The following CHODL variants were observed in gnomAD, a reference collection of about 807,000 sequenced individuals.
CHODL encodes the protein transmembrane protein MT75.
Under a neutral mutation model 34.5 loss-of-function variants are expected in CHODL, and 29 were observed. The observed-to-expected ratio is 0.84, with a 90% CI of 0.63 to 1.15. The LOEUF is 1.15. Ranked by LOEUF, CHODL falls within the 50% of genes most tolerant of loss-of-function variation. The pLI, the probability that CHODL is intolerant of heterozygous loss-of-function variation, is 0.00. For missense variants in CHODL, 332 were observed against 332.5 expected, an observed-to-expected ratio of 1.00 and a Z score of 0.01; for synonymous variants, 125 against 116.1, an observed-to-expected ratio of 1.08 and a Z score of -0.49.
intron 1 of CHODL, among the ~76,000 whole-genome samples, chr21:17,919,914 G>C (rs1341112128): frequency 1.3e-5 from 2 of 152,076 alleles, no homozygotes; most frequent in Non-Finnish European, 2.9e-5. Flanking sequence ...CAAATCTCTA[G>C]GGCAGGGACA....
At chr21:18,220,384 T>G (rs2073871061) in intron 2 of CHODL, among the ~76,000 whole-genome samples, 1 of 152,152 alleles carries the variant, frequency 6.6e-6, no homozygotes, top group Non-Finnish European at 1.5e-5. Flanking sequence ...TTTCTTCTTG[T>G]TTTATATATT....
chr21:18,224,274 CTGAT>C (rs750154554), intron 2 of CHODL, among the ~76,000 whole-genome samples: 18 of 152,236 alleles, frequency 1.2e-4, no homozygotes, highest in Admixed American at 4.6e-4. Context: ...TAGAATAAGA[CTGAT>C]TGGTTTTGAA....
At chr21:18,161,981 A>G (rs1207808483) in intron 2 of CHODL, among the ~76,000 whole-genome samples, 2 of 152,182 alleles carry the variant, frequency 1.3e-5, no homozygotes, top group East Asian at 1.9e-4. Flanking sequence ...TGACATACAC[A>G]TGTTATTACC....
chr21:18,098,079 A>G (rs533825241), intron 2 of CHODL, among the ~76,000 whole-genome samples: 5 of 152,180 alleles, frequency 3.3e-5, no homozygotes, highest in African/African-American at 4.8e-5. Context: ...GATTAAAAAC[A>G]TAGAAATCTA....
At chr21:18,087,201 G>A (rs1046669693) in intron 2 of CHODL, among the ~76,000 whole-genome samples, 3 of 152,156 alleles carry the variant, frequency 2.0e-5, no homozygotes, top group Non-Finnish European at 4.4e-5. Context: ...ACACTCAGGT[G>A]AGCAGCCTGG....
chr21:18,260,916 C>T (rs1203498634), intron 4 of CHODL, among the ~76,000 whole-genome samples: 2 of 152,018 alleles, frequency 1.3e-5, no homozygotes, highest in East Asian at 1.9e-4. Flanking sequence ...AACATGTAGG[C>T]GTCATGATGC....
intron 1 of CHODL, among the ~76,000 whole-genome samples, chr21:17,984,689 G>A (rs1226074006): frequency 6.6e-6 from 1 of 151,766 alleles, no homozygotes; most frequent in Non-Finnish European, 1.5e-5. Flanking sequence ...CGTATCATGT[G>A]TGGAAAGGCT....
intron 1 of CHODL, among the ~76,000 whole-genome samples, chr21:17,949,771 A>C (rs2063441119): frequency 6.6e-6 from 1 of 152,172 alleles, no homozygotes; most frequent in Non-Finnish European, 1.5e-5. Context: ...GAATATAATA[A>C]AGATCTAAAG....
chr21:17,941,645 C>G (rs549608481), intron 1 of CHODL, among the ~76,000 whole-genome samples: 17 of 152,084 alleles, frequency 1.1e-4, no homozygotes, highest in African/African-American at 4.1e-4. Flanking sequence ...ATTAATTTTT[C>G]AAAAAATTAT....
chr21:17,923,437 A>G (rs558359074), intron 1 of CHODL, among the ~76,000 whole-genome samples: 3 of 151,424 alleles, frequency 2.0e-5, no homozygotes, highest in Admixed American at 6.6e-5. Flanking sequence ...AGGACATTTT[A>G]TATAACATTT....
intron 2 of CHODL, among the ~76,000 whole-genome samples, chr21:18,064,252 A>G (rs543618583): frequency 1.7e-4 from 26 of 152,292 alleles, no homozygotes; most frequent in African/African-American, 6.3e-4. Flanking sequence ...CCCATGAGTC[A>G]TACTCTTAAG....
At chr21:18,255,593 T>G (rs2074305836) in intron 1 of CHODL, among the ~76,000 whole-genome samples, 1 of 152,078 alleles carries the variant, frequency 6.6e-6, no homozygotes, top group Non-Finnish European at 1.5e-5. Context: ...ATCCAAATTG[T>G]AAGAAATTGA....
intron 2 of CHODL, among the ~76,000 whole-genome samples, chr21:18,139,464 TC>T (rs112495561): frequency 0.047 from 7,152 of 152,196 alleles, 498 homozygotes; most frequent in African/African-American, 0.16. Flanking sequence ...TTATTGAAAT[TC>T]GAGGCATGAA....
chr21:18,069,451 T>C (rs61020073), intron 2 of CHODL, among the ~76,000 whole-genome samples: 2,388 of 152,168 alleles, frequency 0.016, 68 homozygotes, highest in African/African-American at 0.053. Flanking sequence ...GTAATTGTTA[T>C]ACTTTTATAG....
intron 2 of CHODL, among the ~76,000 whole-genome samples, chr21:18,068,443 C>T (rs1033260331): frequency 1.3e-5 from 2 of 152,232 alleles, no homozygotes; most frequent in Admixed American, 1.3e-4. Context: ...GTGATCCACC[C>T]GCCTTGGCCT....
intron 2 of CHODL, among the ~76,000 whole-genome samples, chr21:18,152,707 C>G (rs2072985612): frequency 6.6e-6 from 1 of 152,146 alleles, no homozygotes; most frequent in Non-Finnish European, 1.5e-5. Flanking sequence ...ATAACATAAC[C>G]AAGAGAGCAG....
chr21:18,234,367 C>T (rs977222531), intron 2 of CHODL, among the ~76,000 whole-genome samples: 1 of 152,032 alleles, frequency 6.6e-6, no homozygotes, highest in Non-Finnish European at 1.5e-5. Context: ...TTGCCCTCTA[C>T]TGGCCGTGAA....
Position 18,263,082 on chromosome 21 carries a change from T to C in CHODL, c.737+189T>C, listed in dbSNP as rs146325840. 2.2e-4 allele frequency among the ~76,000 whole-genome samples: 34 copies of C among 152,320 alleles called. No individual in the cohort carries two copies. In the East Asian group the frequency reaches 3.1e-3, roughly 14 times the overall value. On this transcript the variant is annotated intron_variant, in intron 5 of 5. Transcript: ENST00000299295. ...TATTATTTAATCCTTACAGGACTTA[T>C]TAAGCAGTTACCCTTCTGTTTGTAT...
chr21:18,018,851 G>C (rs2064100674), intron 1 of CHODL, among the ~76,000 whole-genome samples: 1 of 152,154 alleles, frequency 6.6e-6, no homozygotes, highest in Non-Finnish European at 1.5e-5. Flanking sequence ...ATAAAGCGGG[G>C]AATTGCAGTT....
Sources: allele counts gnomAD v4.1 joint callset (sites outside exome capture counted in the v4.1 genomes callset), GRCh38; gene constraint gnomAD v4.1.1; transcripts MANE v1.5; gene names NCBI Gene and HGNC (gene_info 2026-07-23, HGNC 2026-07-21).